Variants in CSMD1 observed in about 807,000 individuals in gnomAD.
The protein encoded by CSMD1 is CUB and Sushi multiple domains 1, also known as CUB and sushi domain-containing protein 1.
A neutral mutation model predicts 417.5 loss-of-function variants in CSMD1; 213 were observed. The ratio of observed to expected loss-of-function variants is 0.51; its 90% CI spans 0.46 to 0.57. CSMD1 has a LOEUF of 0.57. Among genes scored for constraint, CSMD1 ranks in the 20% least tolerant of loss-of-function variants. The probability of loss-of-function intolerance (pLI) is 0.00; values close to 1 mark genes in which losing one functional copy is unlikely to be tolerated. For missense variants in CSMD1, 6,923 were observed against 4,529.7 expected, an observed-to-expected ratio of 1.53 and a Z score of -15.17; for synonymous variants, 2,862 against 1,736.8, an observed-to-expected ratio of 1.65 and a Z score of -16.11.
chr8:4,263,126 C>G (rs1803999524), intron 3 of CSMD1, among the ~76,000 whole-genome samples: 1 of 152,004 alleles, frequency 6.6e-6, no homozygotes, highest in Non-Finnish European at 1.5e-5. Flanking sequence ...TGGGTGATAT[C>G]ACTTATTTTT....
In CSMD1 at chr8:4,153,784, A is replaced by C. The variant is rs76443940; in HGVS notation, c.416-121685T>G. On this transcript the variant is annotated intron_variant, in intron 3 of 69. Transcript: ENST00000635120. ...GCTCTAAAACCCTTTGTCAGGGGAA[A>C]CACAGTTTTTATGTATTTGTGTCTG... is the stretch of plus-strand genomic sequence containing the variant. Among the ~76,000 whole-genome samples, 490 of 152,342 alleles carry C rather than the reference A, an allele frequency of 3.2e-3. 1 individual carries two copies. The highest frequency in any genetic ancestry group is 0.011 in the African/African-American group (467 of 41,588).
intron 4 of CSMD1, among the ~76,000 whole-genome samples, chr8:4,002,985 A>C (rs73182017): frequency 0.079 from 11,993 of 152,102 alleles, 551 homozygotes; most frequent in Middle Eastern, 0.13. Context: ...AAACCAATCT[A>C]CCTGTTTAAT....
At chr8:3,231,633 T>C (rs1309907334) in intron 26 of CSMD1, among the ~76,000 whole-genome samples, 2 of 152,050 alleles carry the variant, frequency 1.3e-5, no homozygotes, top group East Asian at 3.9e-4. Flanking sequence ...TTTAACCTAA[T>C]AGGGGTGGCA....
chr8:3,314,748 A>AT (rs1302145230), intron 23 of CSMD1, among the ~76,000 whole-genome samples: 3 of 152,070 alleles, frequency 2.0e-5, no homozygotes, highest in Non-Finnish European at 4.4e-5. Flanking sequence ...ATTAAATCCT[A>AT]TGTATCTTCT....
At chr8:3,331,289 C>T (rs552293974) in intron 23 of CSMD1, among the ~76,000 whole-genome samples, 1 of 151,494 alleles carries the variant, frequency 6.6e-6, no homozygotes, top group East Asian at 1.9e-4. Context: ...TGATTTCAGA[C>T]TGAGGGAGCA....
chr8:3,430,433 A>G (rs1210079665), intron 12 of CSMD1, among the ~76,000 whole-genome samples: 1 of 152,114 alleles, frequency 6.6e-6, no homozygotes, highest in Non-Finnish European at 1.5e-5. Context: ...ATTGTCTGAC[A>G]TATGTAGTAG....
In CSMD1 at chr8:3,998,101, G is replaced by C. The variant is rs1005705429; in HGVS notation, c.620C>G (p.Ala207Gly). The C allele has an allele frequency of 1.3e-6, 2 of 1,565,284 alleles. No homozygotes were observed. Among genetic ancestry groups the C allele is most frequent in the Non-Finnish European group, 8.7e-7 (1 of 1,153,790 alleles). ...FPAPFCRAEG[A>G]CGGTLRGTSS... ...GGTCCCGCGTAAGGTTCCTCCGCAG[G>C]CTCCCTCAGCTGCAGGGGCAAAAGC... The change falls in exon 5 of 70, where the codon GCC becomes GGC. Residue 207 changes from alanine to glycine, a missense_variant. Coordinates refer to ENST00000635120, the MANE Select transcript of CSMD1 (RefSeq NM_033225.6).
intron 49 of CSMD1, among the ~76,000 whole-genome samples, chr8:3,053,840 G>C (rs983425891): frequency 2.0e-5 from 3 of 152,110 alleles, no homozygotes; most frequent in Non-Finnish European, 4.4e-5. Flanking sequence ...AAGTTCTATG[G>C]TAACTAAATA....
intron 11 of CSMD1, among the ~76,000 whole-genome samples, chr8:3,488,527 T>G (rs939715828): frequency 6.6e-6 from 1 of 152,210 alleles, no homozygotes; most frequent in East Asian, 1.9e-4. Flanking sequence ...GTATTAGCAC[T>G]CTTACTATTA....
At chr8:4,425,213 G>C (rs930487364) in intron 2 of CSMD1, among the ~76,000 whole-genome samples, 8 of 152,060 alleles carry the variant, frequency 5.3e-5, no homozygotes, top group African/African-American at 1.9e-4. Context: ...AATGATATTA[G>C]TTCAGGAAGT....
At chr8:4,564,569 C>T (rs1267483931) in intron 2 of CSMD1, among the ~76,000 whole-genome samples, 1 of 152,130 alleles carries the variant, frequency 6.6e-6, no homozygotes, top group African/African-American at 2.4e-5. Context: ...AGCATAAATA[C>T]TGATAATCAA....
chr8:3,409,221 A>T (rs1487798517), intron 13 of CSMD1, among the ~76,000 whole-genome samples: 1 of 152,222 alleles, frequency 6.6e-6, no homozygotes, highest in Non-Finnish European at 1.5e-5. Flanking sequence ...ATGTAATGAA[A>T]CTATAAATTA....
At chr8:3,187,242 C>T (rs866397850) in intron 36 of CSMD1, among the ~76,000 whole-genome samples, 14 of 152,220 alleles carry the variant, frequency 9.2e-5, no homozygotes, top group South Asian at 8.3e-4. Flanking sequence ...TGAAAGAAAG[C>T]GGTGTCATGC....
At chr8:4,342,140 A>C (rs766352099) in intron 3 of CSMD1, among the ~76,000 whole-genome samples, 87 of 151,958 alleles carry the variant, frequency 5.7e-4, no homozygotes, top group Non-Finnish European at 1.0e-3. Context: ...CAAGAAGCCA[A>C]TCTAAGACTG....
chr8:3,993,089 T>G (rs1374915655), intron 5 of CSMD1, among the ~76,000 whole-genome samples: 1 of 152,224 alleles, frequency 6.6e-6, no homozygotes, highest in Non-Finnish European at 1.5e-5. Context: ...AAACAGAGTC[T>G]GAAAATGAGT....
At chr8:4,863,423 T>A (rs552146463) in intron 1 of CSMD1, among the ~76,000 whole-genome samples, 5 of 152,120 alleles carry the variant, frequency 3.3e-5, no homozygotes, top group South Asian at 2.1e-4. Context: ...TGAGACTCAA[T>A]AGACCAGAGC....
chr8:4,492,250 C>A (rs1183779272), intron 2 of CSMD1, among the ~76,000 whole-genome samples: 1 of 152,102 alleles, frequency 6.6e-6, no homozygotes, highest in Non-Finnish European at 1.5e-5. Context: ...TGAGCATGCT[C>A]AGCTAACGAT....
intron 5 of CSMD1, among the ~76,000 whole-genome samples, chr8:3,960,121 A>C (rs1425203488): frequency 1.3e-5 from 2 of 152,218 alleles, no homozygotes; most frequent in Non-Finnish European, 2.9e-5. Context: ...GTTGTTCAAA[A>C]TGATAATGAT....
At chr8:3,412,796 TG>T (rs1228124126) in intron 12 of CSMD1, among the ~76,000 whole-genome samples, 7 of 152,222 alleles carry the variant, frequency 4.6e-5, no homozygotes, top group African/African-American at 1.7e-4. Context: ...GAGATGGGAA[TG>T]GATTTACTTA....
Sources: allele counts gnomAD v4.1 joint callset (sites outside exome capture counted in the v4.1 genomes callset), GRCh38; gene constraint gnomAD v4.1.1; transcripts MANE v1.5; gene names NCBI Gene and HGNC (gene_info 2026-07-23, HGNC 2026-07-21).